Variants in GABRA2 observed in about 807,000 individuals in gnomAD.
GABRA2 encodes the protein gamma-aminobutyric acid type A receptor subunit alpha2.
Under a neutral mutation model 48.7 loss-of-function variants are expected in GABRA2, and 16 were observed. That is an observed-to-expected ratio of 0.33 (90% CI 0.22 to 0.50). GABRA2 has a LOEUF of 0.50. Ranked by LOEUF, GABRA2 falls within the 20% of genes least tolerant of loss-of-function variation. The probability of loss-of-function intolerance (pLI) is 0.98; values close to 1 mark genes in which losing one functional copy is unlikely to be tolerated. For synonymous variants in GABRA2, 185 were observed against 184.5 expected (o/e 1.00, Z -0.02); for missense variants, 275 against 535.6 (o/e 0.51, Z 4.80).
chr4:46,273,052 C>T (rs1009179991), intron 8 of GABRA2, among the ~76,000 whole-genome samples: 5 of 94,942 alleles, frequency 5.3e-5, no homozygotes, highest in South Asian at 4.9e-4. Context: ...CCTAGCCCCC[C>T]ACCCCTGACA....
intron 3 of GABRA2, among the ~76,000 whole-genome samples, chr4:46,358,127 A>G (rs913689895): frequency 2.6e-5 from 4 of 152,150 alleles, no homozygotes; most frequent in African/African-American, 9.7e-5. Context: ...GATGATAATG[A>G]CAATGAAGAT....
intron 4 of GABRA2, among the ~76,000 whole-genome samples, chr4:46,318,677 C>T (rs1352288952): frequency 1.3e-5 from 2 of 151,524 alleles, no homozygotes; most frequent in Non-Finnish European, 3.0e-5. Flanking sequence ...AACTTAAAGG[C>T]TTAGATCCAT....
intron 8 of GABRA2, among the ~76,000 whole-genome samples, chr4:46,290,937 C>T (rs1343733644): frequency 6.6e-6 from 1 of 151,910 alleles, no homozygotes; most frequent in Non-Finnish European, 1.5e-5. Context: ...TATCTAAGTT[C>T]CACTGGTCTT....
In GABRA2 at chr4:46,369,742, A is replaced by T. The variant is rs190562843; in HGVS notation, c.187+16332T>A. ...GGCAGAGTCATAAGTCTTTGTATTTAGAGGTCTTAGATTCCAATAGATGTA... is the reference window on the plus strand; with the variant it reads ...GGCAGAGTCATAAGTCTTTGTATTTTGAGGTCTTAGATTCCAATAGATGTA... On this transcript the variant is annotated intron_variant, in intron 3 of 9. Coordinates refer to ENST00000381620, the MANE Select transcript of GABRA2 (RefSeq NM_000807.4). Among the ~76,000 whole-genome samples the T allele has an allele frequency of 2.0e-5, 3 of 152,248 alleles. No homozygotes were observed. The East Asian group carries it at 5.8e-4, about 29-fold the overall frequency.
chr4:46,361,388 C>T (rs890983679), intron 3 of GABRA2, among the ~76,000 whole-genome samples: 6 of 152,158 alleles, frequency 3.9e-5, no homozygotes, highest in African/African-American at 1.4e-4. Context: ...GGTGGAATCC[C>T]CAAGCCTTGG....
At chr4:46,285,470 T>C (rs971479318) in intron 8 of GABRA2, among the ~76,000 whole-genome samples, 1 of 152,084 alleles carries the variant, frequency 6.6e-6, no homozygotes, top group African/African-American at 2.4e-5. Context: ...CTCAACTCTG[T>C]ACTAGGATGG....
chr4:46,271,780 G>A (rs1445603277), intron 8 of GABRA2, among the ~76,000 whole-genome samples: 1 of 151,726 alleles, frequency 6.6e-6, no homozygotes, highest in Non-Finnish European at 1.5e-5. Flanking sequence ...TCCAAAACTC[G>A]TATCCCTCTC....
At chr4:46,282,316 A>G (rs1044375575) in intron 8 of GABRA2, among the ~76,000 whole-genome samples, 1 of 152,170 alleles carries the variant, frequency 6.6e-6, no homozygotes, top group Non-Finnish European at 1.5e-5. Context: ...TGTATCAGGG[A>G]AGAGCATGTG....
In GABRA2 at chr4:46,244,044, G is replaced by A. The variant is rs752042035; in HGVS notation, c.*6264C>T. On this transcript the variant is annotated 3_prime_UTR_variant, in exon 10 of 10. Coordinates refer to ENST00000381620, the MANE Select transcript of GABRA2 (RefSeq NM_000807.4). Reference sequence around the variant, plus strand: ...CTCAGGAAAATCTTGAAAATTTATAGAAGACCAACAATTTTAAAATCAAGT... The same window carrying A: ...CTCAGGAAAATCTTGAAAATTTATAAAAGACCAACAATTTTAAAATCAAGT... 1 of 151,360 alleles carries A rather than the reference G, an allele frequency of 6.6e-6. No individual in the cohort carries two copies. The highest frequency in any genetic ancestry group is 2.4e-5 in the African/African-American group (1 of 41,346). 9.4% of individuals were successfully genotyped at this position (151,360 alleles called of 1,614,324 possible). A position where few individuals can be genotyped will look rare whatever the true frequency, so the allele number is the denominator to read the frequency against.
rs775385227 is a variant in GABRA2, at chr4:46,376,820, G to GC, written c.187+9253dup. The stretch of plus-strand genomic sequence containing the variant: ...CTCCACGGTCTCCCTCTGATGCCGA[G>GC]CTGAAGCTGGACGGTACTGCTGCCT... On this transcript the variant is annotated intron_variant, in intron 3 of 9. Transcript: ENST00000381620. 2.6e-5 allele frequency among the ~76,000 whole-genome samples: 4 copies of GC among 151,872 alleles called. No homozygotes were observed. In the East Asian group the frequency reaches 7.8e-4, roughly 30 times the overall value.
At chr4:46,337,890 G>C (rs2109838818) in intron 3 of GABRA2, among the ~76,000 whole-genome samples, 1 of 152,016 alleles carries the variant, frequency 6.6e-6, no homozygotes, top group East Asian at 1.9e-4. Context: ...CTTTTTAAAA[G>C]CTTGTCAAAA....
In GABRA2 at chr4:46,244,725, C is replaced by T. The variant is rs1452986892; in HGVS notation, c.*5583G>A. On this transcript the variant is annotated 3_prime_UTR_variant, in exon 10 of 10. Coordinates refer to ENST00000381620, the MANE Select transcript of GABRA2 (RefSeq NM_000807.4). ...GAAATGAAGGAAGTGCTTACTTTTGCTTAATCAACATTAATCATTTTTAAT... is the reference window on the plus strand; with the variant it reads ...GAAATGAAGGAAGTGCTTACTTTTGTTTAATCAACATTAATCATTTTTAAT... 6.6e-6 allele frequency among the ~76,000 whole-genome samples: 1 copy of T among 151,404 alleles called. No individual in the cohort carries two copies. The highest frequency in any genetic ancestry group is 1.5e-5 in the Non-Finnish European group (1 of 67,588).
intron 8 of GABRA2, among the ~76,000 whole-genome samples, chr4:46,269,464 A>G (rs1169434630): frequency 6.6e-6 from 1 of 151,898 alleles, no homozygotes; most frequent in Non-Finnish European, 1.5e-5. Flanking sequence ...TACCTACATG[A>G]TAAATACCAT....
intron 5 of GABRA2, among the ~76,000 whole-genome samples, chr4:46,310,848 A>G (rs1483616839): frequency 1.3e-5 from 2 of 152,214 alleles, no homozygotes; most frequent in African/African-American, 2.4e-5. Flanking sequence ...CGAATGTTAA[A>G]TATATATTTT....
intron 3 of GABRA2, among the ~76,000 whole-genome samples, chr4:46,377,639 C>G (rs1716013914): frequency 6.7e-6 from 1 of 149,388 alleles, no homozygotes; most frequent in Non-Finnish European, 1.5e-5. Flanking sequence ...GCCGCCCGGT[C>G]CAGGAGGTGA....
chr4:46,329,091 C>A (rs1730893985), intron 4 of GABRA2, among the ~76,000 whole-genome samples: 1 of 152,048 alleles, frequency 6.6e-6, no homozygotes, highest in South Asian at 2.1e-4. Context: ...GGACAAATAT[C>A]AACAGTACCT....
At chr4:46,298,052 T>A (rs1025886773) in intron 8 of GABRA2, among the ~76,000 whole-genome samples, 2 of 152,158 alleles carry the variant, frequency 1.3e-5, no homozygotes, top group Non-Finnish European at 2.9e-5. Flanking sequence ...CCAGTTTTCA[T>A]TCTACAGTTA....
At chr4:46,334,580 T>G (rs1009788268) in intron 3 of GABRA2, among the ~76,000 whole-genome samples, 4 of 152,140 alleles carry the variant, frequency 2.6e-5, no homozygotes, top group Admixed American at 1.3e-4. Flanking sequence ...AATGTGTGAA[T>G]GTATTGATGC....
intron 4 of GABRA2, among the ~76,000 whole-genome samples, chr4:46,317,918 T>C (rs1728815591): frequency 6.6e-6 from 1 of 151,690 alleles, no homozygotes; most frequent in Non-Finnish European, 1.5e-5. Context: ...TATCAGATCA[T>C]TGCAAGTAAC....
Sources: gnomAD v4.1 joint callset for allele counts (sites outside exome capture counted in the v4.1 genomes callset) on GRCh38, gnomAD v4.1.1 for gene constraint, MANE v1.5 for transcripts, NCBI Gene and HGNC (gene_info 2026-07-23, HGNC 2026-07-21) for gene names.